COMMD10: variants seen among roughly 807,000 people sequenced by gnomAD.
COMMD10 encodes the protein COMM domain containing 10, also known as COMM domain-containing protein 10.
COMMD10 carries 33 observed loss-of-function variants against 28.9 expected under a neutral mutation model. The ratio of observed to expected loss-of-function variants is 1.14; its 90% CI spans 0.87 to 1.53. The LOEUF (loss-of-function observed/expected upper bound fraction) is 1.53. Ranked by LOEUF, COMMD10 falls within the 40% of genes most tolerant of loss-of-function variation. The pLI, the probability that COMMD10 is intolerant of heterozygous loss-of-function variation, is 0.00. For missense variants in COMMD10, 310 were observed against 233.4 expected (o/e 1.33, Z -2.14); for synonymous variants, 110 against 81.7 (o/e 1.35, Z -1.87).
At chr5:116,255,482 A>G (rs1750256609) in intron 5 of COMMD10, among the ~76,000 whole-genome samples, 1 of 151,516 alleles carries the variant, frequency 6.6e-6, no homozygotes, top group South Asian at 2.1e-4. Context: ...GAGCTCTTTT[A>G]GGGCAGGCCT....
In COMMD10 at chr5:116,261,381, T is replaced by G. The variant is rs59333168; in HGVS notation, c.511-30136T>G. Among the ~76,000 whole-genome samples the G allele has an allele frequency of 1.9e-3, 285 of 151,832 alleles. 6 individuals are homozygous for G. The highest frequency in any genetic ancestry group is 6.6e-3 in the African/African-American group (272 of 41,270). ...CGTAATGACTGAGTTTTATGGGTAT[T>G]TGGAGGATTTTCTTGTTCCAGGTGG... is the stretch of plus-strand genomic sequence containing the variant. On this transcript the variant is annotated intron_variant, in intron 5 of 6. Coordinates refer to ENST00000274458, the MANE Select transcript of COMMD10 (RefSeq NM_016144.4).
chr5:116,100,862 T>C (rs1208279808), intron 4 of COMMD10, among the ~76,000 whole-genome samples: 12 of 152,160 alleles, frequency 7.9e-5, no homozygotes, highest in African/African-American at 2.4e-4. Context: ...TTCAGGACTT[T>C]TAGGTAATTT....
chr5:116,286,026 A>C (rs1313574834), intron 5 of COMMD10, among the ~76,000 whole-genome samples: 1 of 151,810 alleles, frequency 6.6e-6, no homozygotes, highest in South Asian at 2.1e-4. Flanking sequence ...TTAACTACTG[A>C]TTCAATCTCT....
At chr5:116,286,909 T>C (rs1273782789) in intron 5 of COMMD10, among the ~76,000 whole-genome samples, 1 of 151,846 alleles carries the variant, frequency 6.6e-6, no homozygotes, top group East Asian at 1.9e-4. Flanking sequence ...GTTTCCTTGT[T>C]GATTTTCTGA....
intron 5 of COMMD10, among the ~76,000 whole-genome samples, chr5:116,216,089 A>C (rs551714224): frequency 6.6e-6 from 1 of 152,256 alleles, no homozygotes; most frequent in South Asian, 2.1e-4. Context: ...CCACATTGAT[A>C]ATTTTCTCCA....
chr5:116,144,364 T>C (rs1580485338), intron 5 of COMMD10, among the ~76,000 whole-genome samples: 1 of 151,912 alleles, frequency 6.6e-6, no homozygotes, highest in Middle Eastern at 3.4e-3. Flanking sequence ...AGAGAGAAGA[T>C]AATAATTCTC....
At chr5:116,232,145 C>T (rs1554105665) in intron 5 of COMMD10, among the ~76,000 whole-genome samples, 1 of 152,116 alleles carries the variant, frequency 6.6e-6, no homozygotes, top group Non-Finnish European at 1.5e-5. Context: ...GTCAGGATTG[C>T]ATACTGTATC....
chr5:116,178,413 A>T (rs1452713280), intron 5 of COMMD10, among the ~76,000 whole-genome samples: 1 of 152,120 alleles, frequency 6.6e-6, no homozygotes, highest in Non-Finnish European at 1.5e-5. Context: ...AAAGTATATG[A>T]TTACATTACA....
intron 5 of COMMD10, among the ~76,000 whole-genome samples, chr5:116,225,062 T>A (rs1749356540): frequency 6.6e-6 from 1 of 152,160 alleles, no homozygotes; most frequent in Non-Finnish European, 1.5e-5. Flanking sequence ...CTGATTCTTT[T>A]GCCATTTCCA....
chr5:116,266,278 A>C (rs961824773), intron 5 of COMMD10, among the ~76,000 whole-genome samples: 2 of 151,756 alleles, frequency 1.3e-5, no homozygotes, highest in Admixed American at 1.3e-4. Context: ...TAAAATTAGA[A>C]ATTTATATAA....
chr5:116,144,773 C>T (rs371052777), intron 5 of COMMD10, among the ~76,000 whole-genome samples: 1 of 151,550 alleles, frequency 6.6e-6, no homozygotes, highest in South Asian at 2.1e-4. Flanking sequence ...GATAAACTGA[C>T]GAAAGAATAT....
chr5:116,226,748 A>G (rs1029458987), intron 5 of COMMD10, among the ~76,000 whole-genome samples: 2 of 152,136 alleles, frequency 1.3e-5, no homozygotes, highest in Admixed American at 6.6e-5. Context: ...ATTTCTGGAC[A>G]TGTTCCATAA....
At chr5:116,251,290 A>ATTTTT (rs551489448) in intron 5 of COMMD10, among the ~76,000 whole-genome samples, 7,534 of 136,966 alleles carry the variant, frequency 0.055, 258 homozygotes, top group East Asian at 0.13. Context: ...TTATTTATTT[A>ATTTTT]TTTATTTATT....
chr5:116,287,350 G>T (rs1250867190), intron 5 of COMMD10, among the ~76,000 whole-genome samples: 1 of 151,514 alleles, frequency 6.6e-6, no homozygotes, highest in Non-Finnish European at 1.5e-5. Flanking sequence ...GTCTTGTAAT[G>T]GTTTTTTATT....
At chr5:116,094,339 C>G (rs979425992) in intron 4 of COMMD10, among the ~76,000 whole-genome samples, 3 of 152,138 alleles carry the variant, frequency 2.0e-5, no homozygotes, top group Non-Finnish European at 4.4e-5. Context: ...TAACTAATCC[C>G]ATTTAATGTG....
intron 5 of COMMD10, among the ~76,000 whole-genome samples, chr5:116,238,196 C>A (rs1749723712): frequency 6.6e-6 from 1 of 152,080 alleles, no homozygotes; most frequent in African/African-American, 2.4e-5. Flanking sequence ...CTTAAAATAC[C>A]ATTTTCAGAA....
chr5:116,128,863 T>G (rs1052148397), intron 4 of COMMD10, among the ~76,000 whole-genome samples: 4 of 152,000 alleles, frequency 2.6e-5, no homozygotes, highest in Non-Finnish European at 4.4e-5. Context: ...TAGATTGTGA[T>G]TTTTTGGTTA....
chr5:116,221,242 A>G (rs896718752), intron 5 of COMMD10, among the ~76,000 whole-genome samples: 22 of 152,032 alleles, frequency 1.4e-4, no homozygotes, highest in South Asian at 8.3e-4. Flanking sequence ...CCCTTATTCC[A>G]ACCAATCAAT....
At chr5:116,111,240 T>C (rs1751032310) in intron 4 of COMMD10, among the ~76,000 whole-genome samples, 1 of 152,160 alleles carries the variant, frequency 6.6e-6, no homozygotes, top group South Asian at 2.1e-4. Flanking sequence ...CATTAATTTT[T>C]TAATTTTTTT....
Sources: gnomAD v4.1 joint callset for allele counts (sites outside exome capture counted in the v4.1 genomes callset) on GRCh38, gnomAD v4.1.1 for gene constraint, MANE v1.5 for transcripts, NCBI Gene and HGNC (gene_info 2026-07-23, HGNC 2026-07-21) for gene names.